EPB41L2: variants seen among roughly 807,000 people sequenced by gnomAD.
EPB41L2 encodes the protein band 4.1-like protein 2.
In EPB41L2, 43 loss-of-function variants were observed where a neutral mutation model predicts 113.0. The ratio of observed to expected loss-of-function variants is 0.38; its 90% CI spans 0.30 to 0.49. EPB41L2 has a LOEUF of 0.49. Ranked by LOEUF, EPB41L2 falls within the 20% of genes least tolerant of loss-of-function variation. EPB41L2 has a pLI of 0.95. For synonymous variants in EPB41L2, 442 were observed against 436.7 expected, an observed-to-expected ratio of 1.01 and a Z score of -0.15; for missense variants, 1,147 against 1,223.4, an observed-to-expected ratio of 0.94 and a Z score of 0.93.
intron 1 of EPB41L2, among the ~76,000 whole-genome samples, chr6:131,013,843 A>C (rs1398595227): frequency 6.6e-6 from 1 of 152,244 alleles, no homozygotes; most frequent in East Asian, 1.9e-4. Context: ...CACCAAAGAC[A>C]TACGGGCAAA....
intron 1 of EPB41L2, among the ~76,000 whole-genome samples, chr6:131,031,385 A>G (rs1261739760): frequency 6.6e-6 from 1 of 152,160 alleles, no homozygotes; most frequent in Non-Finnish European, 1.5e-5. Context: ...TAGAGTACCA[A>G]AAAAGGCTCC....
At chr6:130,865,796 G>A (rs1783561603) in intron 16 of EPB41L2, 162 bp from the exon 17 acceptor site, 1 of 659,294 alleles carries the variant, frequency 1.5e-6, no homozygotes, top group Non-Finnish European at 2.5e-6. Flanking sequence ...TTGAAACCGA[G>A]TAGAGGCAAA....
At chr6:130,941,518 T>C (rs1219518205) in intron 3 of EPB41L2, among the ~76,000 whole-genome samples, 1 of 152,252 alleles carries the variant, frequency 6.6e-6, no homozygotes, top group Non-Finnish European at 1.5e-5. Context: ...GCACATTCTC[T>C]GTAAACTATT....
At chr6:130,986,234 A>G (rs192513232) in intron 1 of EPB41L2, among the ~76,000 whole-genome samples, 12 of 152,328 alleles carry the variant, frequency 7.9e-5, no homozygotes, top group Non-Finnish European at 1.6e-4. Flanking sequence ...CTCAATAGAC[A>G]CAGAAAAAGC....
intron 12 of EPB41L2, chr6:130,880,488 G>A (rs920024063): frequency 4.8e-5 from 31 of 650,942 alleles, no homozygotes; most frequent in Admixed American, 3.7e-4. Flanking sequence ...TTCCATCTTC[G>A]CCTGAAAAGT....
intron 1 of EPB41L2, among the ~76,000 whole-genome samples, chr6:131,059,768 T>G (rs1018202877): frequency 6.6e-6 from 1 of 152,176 alleles, no homozygotes; most frequent in African/African-American, 2.4e-5. Context: ...TGAATTAGGG[T>G]TTGGCTATTA....
chr6:130,954,738 GGATAAAACACTTGGGGCTAA>G (rs1301966525), intron 3 of EPB41L2, among the ~76,000 whole-genome samples: 3 of 152,174 alleles, frequency 2.0e-5, no homozygotes, highest in Non-Finnish European at 4.4e-5. Flanking sequence ...ATCTGTCTCA[GGATAAAACACTTGGGGCTAA>G]GTTTACTGCT....
chr6:131,039,202 A>T (rs1793953003), intron 1 of EPB41L2, among the ~76,000 whole-genome samples: 3 of 152,186 alleles, frequency 2.0e-5, no homozygotes, highest in Admixed American at 2.0e-4. Flanking sequence ...TCTCAACAGA[A>T]TGTTTAGCTA....
chr6:131,004,803 C>T (rs1394535247), intron 1 of EPB41L2, among the ~76,000 whole-genome samples: 1 of 152,154 alleles, frequency 6.6e-6, no homozygotes, highest in African/African-American at 2.4e-5. Flanking sequence ...TACACAACTC[C>T]CTGGTCACCT....
At chr6:130,861,503 T>A (rs78292722) in intron 18 of EPB41L2, among the ~76,000 whole-genome samples, 3 of 152,334 alleles carry the variant, frequency 2.0e-5, no homozygotes, top group Middle Eastern at 6.8e-3. Context: ...TGTCATCTCA[T>A]TACAGGCTTA....
chr6:130,996,592 TAATG>T (rs903144549), intron 1 of EPB41L2, among the ~76,000 whole-genome samples: 13 of 152,324 alleles, frequency 8.5e-5, no homozygotes, highest in Non-Finnish European at 1.3e-4. Context: ...TGAGTCCATC[TAATG>T]AATGAATGAA....
chr6:130,922,943 C>T (rs1803366506), intron 4 of EPB41L2, among the ~76,000 whole-genome samples: 2 of 152,158 alleles, frequency 1.3e-5, no homozygotes, highest in African/African-American at 4.8e-5. Context: ...TAAGACACCT[C>T]CAAAACTAAA....
intron 3 of EPB41L2, among the ~76,000 whole-genome samples, chr6:130,934,460 A>T (rs926285496): frequency 1.1e-4 from 17 of 152,128 alleles, no homozygotes; most frequent in African/African-American, 3.9e-4. Flanking sequence ...TATAGAAGAC[A>T]TATACATAAA....
chr6:130,947,669 A>T (rs985697820), intron 3 of EPB41L2, among the ~76,000 whole-genome samples: 4 of 152,148 alleles, frequency 2.6e-5, no homozygotes, highest in Admixed American at 2.0e-4. Flanking sequence ...AATCTGCCTA[A>T]GGTCAACACT....
chr6:131,057,156 T>C (rs1291574890), intron 1 of EPB41L2, among the ~76,000 whole-genome samples: 1 of 152,256 alleles, frequency 6.6e-6, no homozygotes, highest in Non-Finnish European at 1.5e-5. Flanking sequence ...CAATCTTTTC[T>C]GTTTCCCAAA....
chr6:130,905,987 T>C (rs1350144961), intron 5 of EPB41L2, among the ~76,000 whole-genome samples: 1 of 152,232 alleles, frequency 6.6e-6, no homozygotes, highest in African/African-American at 2.4e-5. Context: ...AGATTTCAGT[T>C]CTGCTTTACA....
At chr6:130,850,886 T>C (rs1425990999) in intron 19 of EPB41L2, among the ~76,000 whole-genome samples, 1 of 152,224 alleles carries the variant, frequency 6.6e-6, no homozygotes, top group Non-Finnish European at 1.5e-5. Flanking sequence ...GACTCATTGA[T>C]AACACCTGGT....
intron 14 of EPB41L2, among the ~76,000 whole-genome samples, chr6:130,876,513 A>G (rs1466823270): frequency 2.0e-5 from 3 of 152,208 alleles, no homozygotes; most frequent in Non-Finnish European, 4.4e-5. Context: ...CAACAATCCT[A>G]TGCTTCTATA....
chr6:131,045,946 C>CT (rs1795358683), intron 1 of EPB41L2, among the ~76,000 whole-genome samples: 1 of 131,780 alleles, frequency 7.6e-6, no homozygotes, highest in African/African-American at 2.5e-5. Context: ...TTTTCTTTCT[C>CT]TCTTTTTTTT....
Sources: gnomAD v4.1 joint callset for allele counts (sites outside exome capture counted in the v4.1 genomes callset) on GRCh38, gnomAD v4.1.1 for gene constraint, MANE v1.5 for transcripts, NCBI Gene and HGNC (gene_info 2026-07-23, HGNC 2026-07-21) for gene names.